Variants in TASP1 observed in about 807,000 individuals in gnomAD.
TASP1 encodes threonine aspartase 1.
A neutral mutation model predicts 56.6 loss-of-function variants in TASP1; 16 were observed. The observed-to-expected ratio is 0.28, with a 90% confidence interval of 0.19 to 0.43. The LOEUF is 0.43. TASP1 is among the 20% of genes least tolerant of loss of function. The pLI, the probability that TASP1 is intolerant of heterozygous loss-of-function variation, is 1.00. For missense variants in TASP1, 393 were observed against 511.6 expected (o/e 0.77, Z 2.24); for synonymous variants, 179 against 184.2 (o/e 0.97, Z 0.23).
chr20:13,234,792 T>C, the TASP1 span, among the ~76,000 whole-genome samples: 1 of 152,250 alleles, frequency 6.6e-6, no homozygotes, highest in African/African-American at 2.4e-5. Flanking sequence ...GTCGACTTTT[T>C]AACGAGGTCA....
chr20:13,619,550 C>T (rs532108469), intron 4 of TASP1, among the ~76,000 whole-genome samples: 19 of 152,276 alleles, frequency 1.2e-4, no homozygotes, highest in Non-Finnish European at 2.4e-4. Context: ...ATGACTCACC[C>T]AGTTCTATAT....
chr20:13,394,350 C>G (rs1405291801), intron 13 of TASP1, among the ~76,000 whole-genome samples: 1 of 147,800 alleles, frequency 6.8e-6, no homozygotes, highest in South Asian at 2.1e-4. Context: ...GTAGCTCACG[C>G]CTGTAATCCC....
At chr20:13,479,565 C>T (rs1455517996) in intron 11 of TASP1, among the ~76,000 whole-genome samples, 2 of 151,590 alleles carry the variant, frequency 1.3e-5, no homozygotes, top group Non-Finnish European at 2.9e-5. Context: ...CATGTTCAAG[C>T]GATTCTCCTA....
Position 13,559,683 on chromosome 20 carries a change from C to T in TASP1, c.569-569G>A, listed in dbSNP as rs755987015. Among the ~76,000 whole-genome samples the T allele has an allele frequency of 3.9e-5, 6 of 152,094 alleles. No individual in the cohort carries two copies. In the East Asian group the frequency reaches 1.2e-3, roughly 29 times the overall value. ...CTAATGCGGGCATTTAGATAGACCTCGAGTAGAATTCTTATTACCTGTGAG... is the reference window on the plus strand; with the variant it reads ...CTAATGCGGGCATTTAGATAGACCTTGAGTAGAATTCTTATTACCTGTGAG... On this transcript the variant is annotated intron_variant, in intron 7 of 13. Coordinates refer to ENST00000337743, the MANE Select transcript of TASP1 (RefSeq NM_017714.3).
intron 13 of TASP1, among the ~76,000 whole-genome samples, chr20:13,410,274 T>C (rs2042053325): frequency 6.6e-6 from 1 of 152,244 alleles, no homozygotes; most frequent in South Asian, 2.1e-4. Context: ...TGAGTAGTGC[T>C]GCAATGAACA....
At chr20:13,314,462 G>A in the TASP1 span, among the ~76,000 whole-genome samples, 1 of 151,976 alleles carries the variant, frequency 6.6e-6, no homozygotes, top group African/African-American at 2.4e-5. Flanking sequence ...CAATAAAAGA[G>A]TGGAGTGAAA....
At chr20:13,254,625 T>C in the TASP1 span, among the ~76,000 whole-genome samples, 1 of 152,258 alleles carries the variant, frequency 6.6e-6, no homozygotes, top group South Asian at 2.1e-4. Flanking sequence ...ACAGTCTCTA[T>C]ATTCTCTCTC....
At chr20:13,210,453 A>T in the TASP1 span, among the ~76,000 whole-genome samples, 23 of 152,294 alleles carry the variant, frequency 1.5e-4, 1 homozygote, top group South Asian at 4.8e-3. Flanking sequence ...TCATACAGGA[A>T]CATATGCTGC....
chr20:13,489,703 C>A (rs899423090), intron 10 of TASP1, among the ~76,000 whole-genome samples: 2 of 152,146 alleles, frequency 1.3e-5, no homozygotes, highest in Admixed American at 1.3e-4. Context: ...AAACCTGCCG[C>A]TTTAGCAACG....
chr20:13,348,545 C>A, the TASP1 span, among the ~76,000 whole-genome samples: 1 of 152,164 alleles, frequency 6.6e-6, no homozygotes, highest in Non-Finnish European at 1.5e-5. Flanking sequence ...AGAGACCTAG[C>A]CTAGTGGATT....
the TASP1 span, among the ~76,000 whole-genome samples, chr20:13,224,541 CCTT>C: frequency 2.6e-5 from 4 of 152,128 alleles, no homozygotes; most frequent in Non-Finnish European, 2.9e-5. Context: ...CTACTAAAAT[CCTT>C]CTTCACAATC....
the TASP1 span, chr20:13,270,812 T>C: frequency 6.9e-7 from 1 of 1,449,716 alleles, no homozygotes; most frequent in Non-Finnish European, 9.5e-7. Flanking sequence ...ATGATTCCAG[T>C]GGAAACTGCT....
Position 13,575,347 on chromosome 20 carries a change from A to G in TASP1, c.488+5550T>C, listed in dbSNP as rs534258907. Among the ~76,000 whole-genome samples, 11 of 152,290 alleles carry G rather than the reference A, an allele frequency of 7.2e-5. No homozygotes were observed. The East Asian group carries it at 1.9e-3, about 27-fold the overall frequency. On this transcript the variant is annotated intron_variant, in intron 6 of 13. Transcript: ENST00000337743. ...TCTTATATTGAATTGTAGCTCCCAT[A>G]ATACCCATGTGTCATGGGAGGGACC...
chr20:13,498,244 T>C (rs773787659), intron 10 of TASP1, among the ~76,000 whole-genome samples: 3 of 152,148 alleles, frequency 2.0e-5, no homozygotes, highest in Non-Finnish European at 2.9e-5. Flanking sequence ...ATCCTGAATC[T>C]ATAAGGAACT....
At chr20:13,474,932 T>C (rs57808294) in intron 11 of TASP1, among the ~76,000 whole-genome samples, 4,959 of 152,292 alleles carry the variant, frequency 0.033, 262 homozygotes, top group African/African-American at 0.11. Flanking sequence ...ATATCTTCTT[T>C]GGAGAAATGT....
chr20:13,116,311 C>T, the TASP1 span, among the ~76,000 whole-genome samples: 1 of 152,308 alleles, frequency 6.6e-6, no homozygotes, highest in Admixed American at 6.5e-5. Flanking sequence ...CTTGAACTAA[C>T]CTAAACGGTT....
the TASP1 span, among the ~76,000 whole-genome samples, chr20:13,234,555 A>T: frequency 3.9e-5 from 6 of 152,280 alleles, no homozygotes; most frequent in Middle Eastern, 6.8e-3. Context: ...GGTTGTGCTT[A>T]TTTACATTCC....
chr20:13,465,602 A>G (rs1325506172), intron 11 of TASP1, among the ~76,000 whole-genome samples: 1 of 152,122 alleles, frequency 6.6e-6, no homozygotes, highest in African/African-American at 2.4e-5. Flanking sequence ...TTCAGTGAGT[A>G]AAAGGTTCAA....
chr20:13,280,401 C>G, the TASP1 span, among the ~76,000 whole-genome samples: 587 of 146,868 alleles, frequency 4.0e-3, 5 homozygotes, highest in African/African-American at 0.013. Context: ...ACCCCCCCCC[C>G]CCAATACATT....
Sources: gnomAD v4.1 joint callset for allele counts (sites outside exome capture counted in the v4.1 genomes callset) on GRCh38, gnomAD v4.1.1 for gene constraint, MANE v1.5 for transcripts, NCBI Gene and HGNC (gene_info 2026-07-23, HGNC 2026-07-21) for gene names.